Variants in WNT7B observed in about 807,000 individuals in gnomAD.
WNT7B encodes the protein protein Wnt-7b.
A neutral mutation model predicts 38.2 loss-of-function variants in WNT7B; 19 were observed. The ratio of observed to expected loss-of-function variants is 0.50; its 90% CI spans 0.35 to 0.73. The LOEUF (loss-of-function observed/expected upper bound fraction) is 0.73. Among genes scored for constraint, WNT7B ranks in the 30% least tolerant of loss-of-function variants. The pLI, the probability that WNT7B is intolerant of heterozygous loss-of-function variation, is 0.01. For missense variants in WNT7B, 423 were observed against 507.9 expected, an observed-to-expected ratio of 0.83 and a Z score of 1.61; for synonymous variants, 243 against 209.3, an observed-to-expected ratio of 1.16 and a Z score of -1.39.
rs981548726 is a variant in WNT7B at position 45,965,061 on chromosome 22, G to A, written c.71+11623C>T. Among the ~76,000 whole-genome samples the A allele has an allele frequency of 6.6e-6, 1 of 151,906 alleles. No individual in the cohort carries two copies. Among genetic ancestry groups the A allele is most frequent in the Non-Finnish European group, 1.5e-5 (1 of 67,972 alleles). On this transcript the variant is annotated intron_variant, in intron 1 of 3. Coordinates refer to ENST00000339464, the MANE Select transcript of WNT7B (RefSeq NM_058238.3). This position sits in a 1 kb window ranked among gnomAD's most constrained non-coding sequence, Gnocchi z 6.5. ...TGGGCTCCCCAGACCCGAGATCACTGCCTCCGGCCCCGCCCCCACCTCACC... is the reference window on the plus strand; with the variant it reads ...TGGGCTCCCCAGACCCGAGATCACTACCTCCGGCCCCGCCCCCACCTCACC...
rs148404506 is a variant in WNT7B at position 45,937,745 on chromosome 22, G to A, written c.299-6376C>T. 4.0e-4 allele frequency among the ~76,000 whole-genome samples: 61 copies of A among 152,314 alleles called. 1 individual carries two copies. The East Asian group carries it at 0.01, about 26-fold the overall frequency. Reference sequence around the variant, plus strand: ...TTTTTGTCCGGGCACAGCGGCTCACGCCTATAATCCCAGCAGCACTTTGGA... The same window carrying A: ...TTTTTGTCCGGGCACAGCGGCTCACACCTATAATCCCAGCAGCACTTTGGA... On this transcript the variant is annotated intron_variant, in intron 2 of 3. Coordinates refer to ENST00000339464, the MANE Select transcript of WNT7B (RefSeq NM_058238.3).
chr22:45,971,784 T>C (rs917107465), intron 1 of WNT7B, among the ~76,000 whole-genome samples: 15 of 152,052 alleles, frequency 9.9e-5, no homozygotes, highest in African/African-American at 3.6e-4. Flanking sequence ...TGGGTTAATA[T>C]GGGGAGGGGT....
At chr22:45,928,281 T>G (rs1308874546) in intron 3 of WNT7B, among the ~76,000 whole-genome samples, 1 of 152,088 alleles carries the variant, frequency 6.6e-6, no homozygotes. Flanking sequence ...AAGGGCTGGA[T>G]TCAGTGCTTA....
At chr22:45,927,305 C>A (rs1245502401) in intron 3 of WNT7B, 2 of 985,414 alleles carry the variant, frequency 2.0e-6, no homozygotes, top group Non-Finnish European at 2.4e-6. Context: ...ACCCCCGCCC[C>A]CCAGGGAGCT....
rs183664845 is a variant in WNT7B, at chr22:45,955,958, C to T, written c.72-5812G>A. ...GAGGGGCTGCCGCCAGGTAGCGGGA[C>T]GACCTTGGTCTTTGGCAGAACAGCC... On this transcript the variant is annotated intron_variant, in intron 1 of 3. Transcript: ENST00000339464. 8.7e-4 allele frequency among the ~76,000 whole-genome samples: 132 copies of T among 152,266 alleles called. 2 individuals are homozygous for T. Among genetic ancestry groups the T allele is most frequent in the African/African-American group, 2.2e-3 (92 of 41,550 alleles).
At chr22:45,950,911 G>T (rs1007688118) in intron 1 of WNT7B, among the ~76,000 whole-genome samples, 2 of 152,230 alleles carry the variant, frequency 1.3e-5, no homozygotes, top group African/African-American at 2.4e-5. Flanking sequence ...TGCCGGGCTT[G>T]GCAGGGGCCT....
intron 1 of WNT7B, among the ~76,000 whole-genome samples, chr22:45,971,758 G>A (rs1211292489): frequency 6.6e-6 from 1 of 152,190 alleles, no homozygotes; most frequent in Admixed American, 6.5e-5. Context: ...AGTGTGGCAT[G>A]GTATTGCGCG....
intron 1 of WNT7B, among the ~76,000 whole-genome samples, chr22:45,955,481 C>T (rs562887075): frequency 5.3e-5 from 8 of 152,362 alleles, no homozygotes; most frequent in Admixed American, 2.0e-4. Flanking sequence ...GACCCAGCTT[C>T]GCTCCAAGTG....
chr22:45,941,773 G>C (rs1415119133), intron 2 of WNT7B, among the ~76,000 whole-genome samples: 1 of 152,244 alleles, frequency 6.6e-6, no homozygotes, highest in East Asian at 1.9e-4. Context: ...ACTGGGGCTT[G>C]TGCTCCGTGA....
Position 45,922,791 on chromosome 22 carries a change from T to C in WNT7B, c.*65A>G. On this transcript the variant is annotated 3_prime_UTR_variant, in exon 4 of 4. Coordinates refer to ENST00000339464, the MANE Select transcript of WNT7B (RefSeq NM_058238.3). ...GCTGGCAGCACCAAGGCAGGGAAGG[T>C]GAGGAGTGGATGTGCAAAATGCCGC... The C allele has an allele frequency of 1.9e-6, 3 of 1,546,456 alleles. No homozygotes were observed. The highest frequency in any genetic ancestry group is 1.2e-5 in the South Asian group (1 of 81,020).
Position 45,929,616 on chromosome 22 carries a change from ACACCCATCCTTCCATCCATGCATCCACT to A in WNT7B, c.570+1454_570+1481del, listed in dbSNP as rs1335623141. 5.8e-3 allele frequency among the ~76,000 whole-genome samples: 647 copies of A among 112,148 alleles called. 4 individuals are homozygous for A. Among genetic ancestry groups the A allele is most frequent in the African/African-American group, 0.025 (612 of 24,440 alleles). The allele number at this position is 112,148 out of a possible 152,430, so 73.6% of individuals were successfully genotyped here. On this transcript the variant is annotated intron_variant, in intron 3 of 3. Transcript: ENST00000339464. The stretch of plus-strand genomic sequence containing the variant: ...TTCATGCATCCATCCACCTGCCCAT[ACACCCATCCTTCCATCCATGCATCCACT>A]CATCCATCCTTCCACCCACCCGCCC...
chr22:45,932,220 T>G (rs140243169), intron 2 of WNT7B, among the ~76,000 whole-genome samples: 98 of 152,266 alleles, frequency 6.4e-4, no homozygotes, highest in Admixed American at 1.5e-3. Flanking sequence ...GGGTCCCAGG[T>G]CAATGCCTAC....
chr22:45,936,895 G>T (rs934624645), intron 2 of WNT7B, among the ~76,000 whole-genome samples: 1 of 152,214 alleles, frequency 6.6e-6, no homozygotes, highest in Non-Finnish European at 1.5e-5. Flanking sequence ...CAAAGCTGGG[G>T]GCTGAGTCCA....
At chr22:45,923,469 C>G (rs933788486) in intron 3 of WNT7B, 134 bp from the exon 4 acceptor site, 3 of 1,319,860 alleles carry the variant, frequency 2.3e-6, no homozygotes, top group Non-Finnish European at 3.0e-6. Context: ...GTGAGTGTCT[C>G]TCCCTCTCTG....
intron 2 of WNT7B, among the ~76,000 whole-genome samples, chr22:45,939,305 A>G (rs1231658011): frequency 1.3e-5 from 2 of 152,244 alleles, no homozygotes; most frequent in African/African-American, 4.8e-5. Flanking sequence ...CTTCAGAGAA[A>G]TGAAACAGGC....
At chr22:45,971,202 C>A (rs574354056) in intron 1 of WNT7B, among the ~76,000 whole-genome samples, 1 of 143,926 alleles carries the variant, frequency 6.9e-6, no homozygotes, top group African/African-American at 2.6e-5. Flanking sequence ...CCCCTCTGGC[C>A]GCGTCAGGCG....
At chr22:45,948,183 G>C (rs866422047) in intron 2 of WNT7B, among the ~76,000 whole-genome samples, 1 of 152,228 alleles carries the variant, frequency 6.6e-6, no homozygotes, top group Non-Finnish European at 1.5e-5. Flanking sequence ...ACCCACAGCT[G>C]CCTCTGAGCC....
chr22:45,929,693 C>T (rs1178328491), intron 3 of WNT7B, among the ~76,000 whole-genome samples: 1 of 146,386 alleles, frequency 6.8e-6, no homozygotes, highest in Non-Finnish European at 1.5e-5. Context: ...TACTTCCATC[C>T]ACCCATCTTT....
At chr22:45,928,165 G>A (rs554345883) in intron 3 of WNT7B, among the ~76,000 whole-genome samples, 17 of 152,296 alleles carry the variant, frequency 1.1e-4, no homozygotes, top group Admixed American at 6.5e-4. Flanking sequence ...GCGGCAGTCA[G>A]CTGCTTTCCA....
Sources: allele counts gnomAD v4.1 joint callset (sites outside exome capture counted in the v4.1 genomes callset), GRCh38; gene constraint gnomAD v4.1.1; non-coding constraint Gnocchi (gnomAD v3.1); transcripts MANE v1.5; gene names NCBI Gene and HGNC (gene_info 2026-07-23, HGNC 2026-07-21).